TUBA1C: variants seen among roughly 807,000 people sequenced by gnomAD.
The protein encoded by TUBA1C is tubulin alpha 1c, also known as tubulin alpha-1C chain.
TUBA1C carries 16 observed loss-of-function variants against 34.9 expected under a neutral mutation model. The observed-to-expected ratio is 0.46, with a 90% CI of 0.31 to 0.70. The LOEUF (loss-of-function observed/expected upper bound fraction) is 0.70. Among genes scored for constraint, TUBA1C ranks in the 30% least tolerant of loss-of-function variants. TUBA1C has a pLI of 0.05. For synonymous variants in TUBA1C, 177 were observed against 215.9 expected, an observed-to-expected ratio of 0.82 and a Z score of 1.58; for missense variants, 329 against 587.3, an observed-to-expected ratio of 0.56 and a Z score of 4.55.
In TUBA1C at chr12:49,251,475, A is replaced by G. The variant is rs79390194; in HGVS notation, c.214-17990A>G. On this transcript the variant is annotated intron_variant, in intron 1 of 3. Coordinates refer to the TUBA1C transcript ENST00000541364. Reference sequence around the variant, plus strand: ...AGTCGTCTGCAAACCAAATTCAGCAACATATAAGAGAGATTATAGGCTGGG... The same window carrying G: ...AGTCGTCTGCAAACCAAATTCAGCAGCATATAAGAGAGATTATAGGCTGGG... Among the ~76,000 whole-genome samples, 1,013 of 152,150 alleles carry G rather than the reference A, an allele frequency of 6.7e-3. 18 individuals are homozygous for G. Among genetic ancestry groups the G allele is most frequent in the African/African-American group, 0.024 (976 of 41,510 alleles).
chr12:49,228,791 C>T (rs1468430123), intron 1 of TUBA1C, among the ~76,000 whole-genome samples: 1 of 152,200 alleles, frequency 6.6e-6, no homozygotes, highest in African/African-American at 2.4e-5. Context: ...CTGCAATTTA[C>T]AAGTCTCTGT....
At chr12:49,240,612 G>C (rs1395776898) in intron 1 of TUBA1C, among the ~76,000 whole-genome samples, 1 of 152,088 alleles carries the variant, frequency 6.6e-6, no homozygotes, top group Non-Finnish European at 1.5e-5. Flanking sequence ...TTTTGGGACA[G>C]GGTCTCTCTC....
At chr12:49,270,710 C>T (rs1409676406) in intron 3 of TUBA1C, among the ~76,000 whole-genome samples, 2 of 152,156 alleles carry the variant, frequency 1.3e-5, no homozygotes, top group African/African-American at 4.8e-5. Flanking sequence ...AGGCTGGGCA[C>T]GGTGGCTGAC....
chr12:49,251,492 T>C (rs1228954169), intron 1 of TUBA1C, among the ~76,000 whole-genome samples: 17 of 151,902 alleles, frequency 1.1e-4, no homozygotes, highest in Non-Finnish European at 5.9e-5. Context: ...AGAGAGATTA[T>C]AGGCTGGGCC....
At chr12:49,230,955 T>C (rs1481102095) in intron 1 of TUBA1C, among the ~76,000 whole-genome samples, 2 of 152,206 alleles carry the variant, frequency 1.3e-5, no homozygotes, top group Non-Finnish European at 2.9e-5. Flanking sequence ...TGGTCAGATA[T>C]AAATGAGATA....
intron 1 of TUBA1C, 97 bp downstream of exon 1, chr12:49,265,281 G>A: frequency 1.0e-6 from 1 of 997,668 alleles, no homozygotes; most frequent in East Asian, 2.8e-5. Context: ...GCCCAGGACA[G>A]CTCCAGACTA....
At chr12:49,269,069 C>T (rs548000536) in intron 1 of TUBA1C, among the ~76,000 whole-genome samples, 1 of 152,192 alleles carries the variant, frequency 6.6e-6, no homozygotes, top group East Asian at 1.9e-4. Flanking sequence ...AGATGGTTAT[C>T]TTTTTTTGTT....
At position 49,269,678 on chromosome 12, in the gene TUBA1C, A is replaced by G. The variant is rs770936071; in HGVS notation, c.217A>G (p.Thr73Ala). ...PRAVFVDLEP[T>A]VIDEVRTGTY... The stretch of plus-strand genomic sequence containing the variant: ...GGCAGTGTTTGTAGACTTGGAACCC[A>G]CAGTCATTGGTGAGTTGACCTCAGT... The change falls in exon 2 of 4, where the codon ACA becomes GCA. Residue 73 changes from threonine to alanine, a missense_variant. Physicochemically the swap from Thr to Ala is moderately conservative, Grantham distance 58. Around this residue, in one of 4 missense-constraint regions of TUBA1C, gnomAD observed 152 missense variants for 240.3 expected, o/e 0.63. Coordinates refer to ENST00000301072, the MANE Select transcript of TUBA1C (RefSeq NM_032704.5). 13 of 1,614,164 alleles carry G rather than the reference A, an allele frequency of 8.1e-6. 1 individual carries two copies. The highest frequency in any genetic ancestry group is 6.7e-5 in the African/African-American group (5 of 75,042).
intron 1 of TUBA1C, among the ~76,000 whole-genome samples, chr12:49,255,750 G>C (rs983791959): frequency 6.6e-6 from 1 of 151,968 alleles, no homozygotes; most frequent in African/African-American, 2.4e-5. Context: ...ATTTTTATTA[G>C]AGACAGGGTT....
chr12:49,258,562 G>A (rs2137009212), intron 1 of TUBA1C, among the ~76,000 whole-genome samples: 1 of 151,984 alleles, frequency 6.6e-6, no homozygotes, highest in African/African-American at 2.4e-5. Context: ...CAAGTAGCTG[G>A]GATTACAGGT....
intron 1 of TUBA1C, among the ~76,000 whole-genome samples, chr12:49,241,640 C>G (rs1388259932): frequency 7.2e-6 from 1 of 138,000 alleles, no homozygotes; most frequent in Non-Finnish European, 1.6e-5. Context: ...CTTCCTTCCT[C>G]CCTTCCTTTC....
upstream of TUBA1C, among the ~76,000 whole-genome samples, chr12:49,262,019 C>T (rs1942844745): frequency 6.6e-6 from 1 of 152,104 alleles, no homozygotes; most frequent in Non-Finnish European, 1.5e-5. Context: ...AGTCACACAT[C>T]ACAGAATGTT....
chr12:49,258,647 C>T (rs182523713), intron 1 of TUBA1C, among the ~76,000 whole-genome samples: 14 of 151,700 alleles, frequency 9.2e-5, no homozygotes, highest in Non-Finnish European at 7.4e-5. Context: ...AGGCTGCTCT[C>T]GAACCCCTGA....
At chr12:49,240,071 CACACA>C (rs1565639550) in intron 1 of TUBA1C, among the ~76,000 whole-genome samples, 46 of 151,210 alleles carry the variant, frequency 3.0e-4, no homozygotes, top group Admixed American at 1.1e-3. Context: ...CACACACACA[CACACA>C]CCCTGCCTTT....
rs1943021564 is a variant in TUBA1C, at chr12:49,273,315, A to G, written c.*88A>G. 8 of 1,609,310 alleles carry G rather than the reference A, an allele frequency of 5.0e-6. No individual in the cohort carries two copies. In the East Asian group the frequency reaches 1.3e-4, roughly 27 times the overall value. ...TCTATTGCCGTAAATTGTTAATAAA[A>G]TTGAAGTTTCCATTTTAAATGTCGA... On this transcript the variant is annotated 3_prime_UTR_variant, in exon 4 of 4. Transcript: ENST00000301072.
chr12:49,261,136 G>A (rs552329042), upstream of TUBA1C, among the ~76,000 whole-genome samples: 1 of 152,102 alleles, frequency 6.6e-6, no homozygotes, highest in East Asian at 1.9e-4. Flanking sequence ...ATCACCTGAG[G>A]TCAGGAGTTT....
At chr12:49,255,408 A>G (rs1436738883) in intron 1 of TUBA1C, among the ~76,000 whole-genome samples, 1 of 143,842 alleles carries the variant, frequency 7.0e-6, no homozygotes, top group Non-Finnish European at 1.5e-5. Flanking sequence ...TTTAAAAAAT[A>G]TATATATATA....
At chr12:49,261,171 G>A (rs747162363), upstream of TUBA1C, among the ~76,000 whole-genome samples, 5 of 151,770 alleles carry the variant, frequency 3.3e-5, no homozygotes, top group South Asian at 2.1e-4. Flanking sequence ...GCTCAGTGGC[G>A]CTGAGCCAAG....
At chr12:49,259,272 G>A (rs577278026) in intron 1 of TUBA1C, among the ~76,000 whole-genome samples, 5 of 150,308 alleles carry the variant, frequency 3.3e-5, no homozygotes, top group African/African-American at 4.9e-5. Flanking sequence ...TCACTGTGTC[G>A]CCCAGGCTGG....
Sources: allele counts gnomAD v4.1 joint callset (sites outside exome capture counted in the v4.1 genomes callset), GRCh38; gene constraint gnomAD v4.1.1; regional missense constraint gnomAD v4.1.1; transcripts MANE v1.5; gene names NCBI Gene and HGNC (gene_info 2026-07-23, HGNC 2026-07-21).